Variants in CSNK1G2 observed in about 807,000 individuals in gnomAD.
CSNK1G2 encodes casein kinase 1 gamma 2.
In CSNK1G2, 11 loss-of-function variants were observed where a neutral mutation model predicts 48.0. The ratio of observed to expected loss-of-function variants is 0.23; its 90% confidence interval spans 0.14 to 0.38. The LOEUF is 0.38. Among genes scored for constraint, CSNK1G2 ranks in the 10% least tolerant of loss-of-function variants. The probability of loss-of-function intolerance (pLI) is 1.00; values close to 1 mark genes in which losing one functional copy is unlikely to be tolerated. For missense variants in CSNK1G2, 446 were observed against 595.5 expected (o/e 0.75, Z 2.61); for synonymous variants, 337 against 254.1 (o/e 1.33, Z -3.10).
chr19:1,978,571 C>G lies in CSNK1G2; in HGVS notation c.299-31C>G, dbSNP rs755274972. On this transcript the variant is annotated intron_variant, in intron 4 of 11. Coordinates refer to ENST00000255641, the MANE Select transcript of CSNK1G2 (RefSeq NM_001319.7). This position sits in a 1 kb window ranked among gnomAD's most constrained non-coding sequence, Gnocchi z 7.3. Reference sequence around the variant, plus strand: ...GCAGGGGCAGGGAGGGGGCTGCCGCCGCACGCCCGTGCGTCTGTCCTCCGC... The same window carrying G: ...GCAGGGGCAGGGAGGGGGCTGCCGCGGCACGCCCGTGCGTCTGTCCTCCGC... The G allele has an allele frequency of 3.2e-6, 5 of 1,574,058 alleles. No homozygotes were observed. The South Asian group carries it at 3.5e-5, about 11-fold the overall frequency.
intron 1 of CSNK1G2, among the ~76,000 whole-genome samples, chr19:1,967,211 G>A (rs2015391368): frequency 6.6e-6 from 1 of 152,192 alleles, no homozygotes; most frequent in Non-Finnish European, 1.5e-5. Context: ...GAACGCAGGG[G>A]CCACATCCAG....
Position 1,957,669 on chromosome 19 carries a change from G to A in CSNK1G2, c.-265-11839G>A, listed in dbSNP as rs781336862. Among the ~76,000 whole-genome samples the A allele has an allele frequency of 3.3e-5, 5 of 152,182 alleles. No individual in the cohort carries two copies. The highest frequency in any genetic ancestry group is 7.4e-5 in the Non-Finnish European group (5 of 68,022). ...CACACAGGCAGAGACTGGAGGGTGC[G>A]CAGGACCCCGGGTGACTGCAGACGT... On this transcript the variant is annotated intron_variant, in intron 1 of 11. Coordinates refer to ENST00000255641, the MANE Select transcript of CSNK1G2 (RefSeq NM_001319.7). The surrounding 1 kb of genome is among the most constrained non-coding windows in gnomAD (Gnocchi z 5.4).
intron 2 of CSNK1G2, among the ~76,000 whole-genome samples, chr19:1,971,855 C>T (rs764938976): frequency 2.0e-5 from 3 of 151,442 alleles, no homozygotes; most frequent in East Asian, 3.9e-4. Flanking sequence ...CTGCAAGCTC[C>T]GCGTCCCGGG....
At position 1,945,358 on chromosome 19, in the gene CSNK1G2, T is replaced by TC. The variant is rs550640884; in HGVS notation, c.-266+3945dup. ...ACGCGTCTGAGGTGTGGGGATCATC[T>TC]CCCCCTTGCTCAGAGCCCCCAACGT... On this transcript the variant is annotated intron_variant, in intron 1 of 11. Transcript: ENST00000255641. Among the ~76,000 whole-genome samples the TC allele has an allele frequency of 5.5e-3, 833 of 152,078 alleles. 7 individuals carry two copies. The highest frequency in any genetic ancestry group is 9.3e-3 in the Admixed American group (142 of 15,288).
In CSNK1G2 at chr19:1,967,864, T is replaced by TTCC. The variant is rs1568196354; in HGVS notation, c.-265-1644_-265-1643insTCC. Among the ~76,000 whole-genome samples, 27 of 26,456 alleles carry TTCC rather than the reference T, an allele frequency of 1.0e-3. 3 individuals are homozygous for TTCC. The highest frequency in any genetic ancestry group is 3.5e-3 in the African/African-American group (23 of 6,534). The allele number at this position is 26,456 out of a possible 152,430, so 17.4% of individuals were successfully genotyped here. Reference sequence around the variant, plus strand: ...CAGGTGGGGCTCCTCCCTCCTCCCTTCTCCCCAGGCTGCCCCCGACCACCC... The same window carrying TTCC: ...CAGGTGGGGCTCCTCCCTCCTCCCTTTCCCTCCCCAGGCTGCCCCCGACCACCC... On this transcript the variant is annotated intron_variant, in intron 1 of 11. Transcript: ENST00000255641.
chr19:1,979,532 G>C lies in CSNK1G2; in HGVS notation c.891G>C (p.Leu297=), dbSNP rs746787307. ...MATYLRYVRR[L]DFFEKPDYDY... ...CGTACCTGCGCTATGTGCGGCGCCTGGACTTCTTCGAGAAGCCCGACTATG... is the reference window on the plus strand; with the variant it reads ...CGTACCTGCGCTATGTGCGGCGCCTCGACTTCTTCGAGAAGCCCGACTATG... The change falls in exon 9 of 12, where the codon CTG becomes CTC. Residue 297 remains leucine (L), a synonymous_variant. Coordinates refer to ENST00000255641, the MANE Select transcript of CSNK1G2 (RefSeq NM_001319.7). 2.5e-6 allele frequency: 4 copies of C among 1,608,082 alleles called. No homozygotes were observed. In the African/African-American group the frequency reaches 5.4e-5, roughly 22 times the overall value.
rs541362725 is a variant in CSNK1G2 at position 1,965,370 on chromosome 19, G to C, written c.-265-4138G>C. On this transcript the variant is annotated intron_variant, in intron 1 of 11. Transcript: ENST00000255641. ...TGCACTCCAGCCTGGGCGACAGAGC[G>C]AGACTCCGTTTCCAAAAAAAAAAAA... Among the ~76,000 whole-genome samples, 5 of 124,626 alleles carry C rather than the reference G, an allele frequency of 4.0e-5. No homozygotes were observed. In the East Asian group the frequency reaches 1.4e-3, roughly 35 times the overall value. The allele number at this position is 124,626 out of a possible 152,430, so 81.8% of individuals were successfully genotyped here. A position where few individuals can be genotyped will look rare whatever the true frequency, so the allele number is the denominator to read the frequency against.
At chr19:1,967,028 C>T (rs1182079783) in intron 1 of CSNK1G2, among the ~76,000 whole-genome samples, 2 of 135,006 alleles carry the variant, frequency 1.5e-5, no homozygotes, top group Non-Finnish European at 3.1e-5. Flanking sequence ...GCACACCACG[C>T]CCCGCTTAAT....
At chr19:1,973,083 A>T (rs2015628732) in intron 2 of CSNK1G2, among the ~76,000 whole-genome samples, 1 of 150,024 alleles carries the variant, frequency 6.7e-6, no homozygotes, top group Non-Finnish European at 1.5e-5. Context: ...GCCCGCCACC[A>T]CACCCAGCTA....
chr19:1,977,750 CAA>C (rs758107982), intron 2 of CSNK1G2, among the ~76,000 whole-genome samples: 33 of 83,016 alleles, frequency 4.0e-4, no homozygotes, highest in African/African-American at 6.5e-4. Flanking sequence ...GACACCGTCT[CAA>C]AAAAAAAAAA....
intron 1 of CSNK1G2, chr19:1,969,000 A>T (rs1425209720): frequency 6.6e-6 from 1 of 152,478 alleles, no homozygotes; most frequent in Admixed American, 6.5e-5. Context: ...ACCAGTCGCC[A>T]TGGGCAGGGG....
chr19:1,979,778 C>T lies in CSNK1G2; in HGVS notation c.1029C>T (p.Thr343=), dbSNP rs941860717. ...CGACCCCCATCGGCACCGTCCACACCGACCTGCCCTCCCAGCCTCAGCTCC... is the reference window on the plus strand; with the variant it reads ...CGACCCCCATCGGCACCGTCCACACTGACCTGCCCTCCCAGCCTCAGCTCC... ...PLPTPIGTVH[T]DLPSQPQLRD... Residue 343 remains threonine (T), a synonymous_variant, in exon 10 of 12, where the codon ACC becomes ACT. Transcript: ENST00000255641. 6 of 1,606,862 alleles carry T rather than the reference C, an allele frequency of 3.7e-6. No homozygotes were observed. The highest frequency in any genetic ancestry group is 3.4e-6 in the Non-Finnish European group (4 of 1,179,024).
At chr19:1,973,933 G>C (rs1032117483) in intron 2 of CSNK1G2, among the ~76,000 whole-genome samples, 1 of 151,984 alleles carries the variant, frequency 6.6e-6, no homozygotes, top group East Asian at 1.9e-4. Context: ...TGTTGCCCAG[G>C]CTGGAGTGCA....
At chr19:1,962,243 A>G (rs2015222365) in intron 1 of CSNK1G2, among the ~76,000 whole-genome samples, 1 of 141,664 alleles carries the variant, frequency 7.1e-6, no homozygotes, top group East Asian at 2.1e-4. Context: ...GAGGCAGAGA[A>G]CTGCACGAAC....
chr19:1,950,964 CCA>C (rs1434793547), intron 1 of CSNK1G2, among the ~76,000 whole-genome samples: 1 of 146,122 alleles, frequency 6.8e-6, no homozygotes, highest in East Asian at 2.1e-4. Context: ...ATCCCCGTGC[CCA>C]GTTTTCAGGG....
In CSNK1G2 at chr19:1,957,872, C is replaced by T. The variant is rs928478566; in HGVS notation, c.-265-11636C>T. On this transcript the variant is annotated intron_variant, in intron 1 of 11. Coordinates refer to ENST00000255641, the MANE Select transcript of CSNK1G2 (RefSeq NM_001319.7). The surrounding 1 kb of genome is among the most constrained non-coding windows in gnomAD (Gnocchi z 5.4). ...CCGTTTATGTGGGGTGGGCGCTCGG[C>T]GGGCACTGTGTGTGTGGCACGGCCA... Among the ~76,000 whole-genome samples, 1 of 151,872 alleles carries T rather than the reference C, an allele frequency of 6.6e-6. No homozygotes were observed. Among genetic ancestry groups the T allele is most frequent in the African/African-American group, 2.4e-5 (1 of 41,326 alleles).
intron 1 of CSNK1G2, among the ~76,000 whole-genome samples, chr19:1,948,603 C>T (rs560846906): frequency 4.7e-5 from 7 of 148,830 alleles, no homozygotes; most frequent in African/African-American, 7.4e-5. Flanking sequence ...AGCCTTATTT[C>T]GGTGTGGTCC....
rs866860995 is a variant in CSNK1G2, at chr19:1,950,942, G to C, written c.-266+9524G>C. On this transcript the variant is annotated intron_variant, in intron 1 of 11. Coordinates refer to ENST00000255641, the MANE Select transcript of CSNK1G2 (RefSeq NM_001319.7). Reference sequence around the variant, plus strand: ...GTTTATTCGCCTTGGTGCCCCCCTAGATCCCTGGGTGATCCCCGTGCCCAG... The same window carrying C: ...GTTTATTCGCCTTGGTGCCCCCCTACATCCCTGGGTGATCCCCGTGCCCAG... 6.2e-5 allele frequency among the ~76,000 whole-genome samples: 9 copies of C among 146,192 alleles called. 1 individual carries two copies. The highest frequency in any genetic ancestry group is 8.9e-5 in the Non-Finnish European group (6 of 67,166).
chr19:1,969,462 C>CG (rs1211249395), intron 1 of CSNK1G2, 46 bp from the exon 2 acceptor site: 4 of 213,292 alleles, frequency 1.9e-5, no homozygotes, highest in African/African-American at 9.1e-5. Context: ...TCAGTGGCCC[C>CG]GCGGGGGCCT....
Sources: gnomAD v4.1 joint callset for allele counts (sites outside exome capture counted in the v4.1 genomes callset) on GRCh38, gnomAD v4.1.1 for gene constraint, Gnocchi (gnomAD v3.1) non-coding constraint, MANE v1.5 for transcripts, NCBI Gene and HGNC (gene_info 2026-07-23, HGNC 2026-07-21) for gene names.